Variants in PIK3AP1 observed in about 807,000 individuals in gnomAD.
PIK3AP1 encodes phosphoinositide-3-kinase adaptor protein 1, also known as phosphoinositide 3-kinase adapter protein 1.
A neutral mutation model predicts 88.1 loss-of-function variants in PIK3AP1; 21 were observed. The observed-to-expected ratio is 0.24, with a 90% CI of 0.17 to 0.34. The LOEUF (loss-of-function observed/expected upper bound fraction) is 0.34, where lower values mean the gene tolerates loss of function less well. Among genes scored for constraint, PIK3AP1 ranks in the 10% least tolerant of loss-of-function variants. The pLI is 1.00. For missense variants in PIK3AP1, 828 were observed against 1,035.7 expected (o/e 0.80, Z 2.75); for synonymous variants, 398 against 400.0 (o/e 1.00, Z 0.06).
chr10:96,705,884 G>GTT lies in PIK3AP1; in HGVS notation c.430+3681_430+3682dup, dbSNP rs964917515. 5.9e-3 allele frequency among the ~76,000 whole-genome samples: 359 copies of GTT among 60,968 alleles called. 80 individuals are homozygous for GTT. The highest frequency in any genetic ancestry group is 0.015 in the African/African-American group (194 of 12,710). The allele number at this position is 60,968 out of a possible 152,430, so 40.0% of individuals were successfully genotyped here. ...CATAAGCCACTATGCCCAGCCAGTT[G>GTT]TTTTTTTTTTTTTTTTTTTTTTTTT... On this transcript the variant is annotated intron_variant, in intron 2 of 16. Transcript: ENST00000339364.
At chr10:96,647,682 T>C (rs571182895) in intron 7 of PIK3AP1, among the ~76,000 whole-genome samples, 177 of 152,334 alleles carry the variant, frequency 1.2e-3, no homozygotes, top group African/African-American at 3.8e-3. Context: ...CTTGTAGATT[T>C]TCCAACACAG....
At chr10:96,617,448 G>C (rs935678082) in intron 12 of PIK3AP1, among the ~76,000 whole-genome samples, 3 of 152,158 alleles carry the variant, frequency 2.0e-5, no homozygotes, top group Admixed American at 1.3e-4. Context: ...AACTGGAAAG[G>C]GGGGTTGGTC....
chr10:96,672,049 G>GA (rs372869855), intron 2 of PIK3AP1, among the ~76,000 whole-genome samples: 3 of 149,824 alleles, frequency 2.0e-5, no homozygotes, highest in South Asian at 2.1e-4. Context: ...AAAAAACAAA[G>GA]AAAAAAAAAT....
intron 12 of PIK3AP1, 102 bp from the exon 13 acceptor site, chr10:96,616,813 A>G: frequency 9.0e-7 from 1 of 1,110,080 alleles, no homozygotes; most frequent in Non-Finnish European, 1.4e-6. Flanking sequence ...GGTATATCAC[A>G]TTGCAGTCAC....
chr10:96,659,967 G>A (rs909095610), intron 2 of PIK3AP1, among the ~76,000 whole-genome samples: 3 of 151,684 alleles, frequency 2.0e-5, no homozygotes, highest in Non-Finnish European at 2.9e-5. Flanking sequence ...TAGGTATTAC[G>A]TCTTCTAGTA....
intron 6 of PIK3AP1, among the ~76,000 whole-genome samples, chr10:96,650,760 A>G (rs888664823): frequency 6.6e-6 from 1 of 152,240 alleles, no homozygotes; most frequent in African/African-American, 2.4e-5. Flanking sequence ...CTATCTTTCC[A>G]TGAGTCTAAG....
At chr10:96,642,229 A>C (rs533688057) in intron 8 of PIK3AP1, among the ~76,000 whole-genome samples, 84 of 152,294 alleles carry the variant, frequency 5.5e-4, no homozygotes, top group African/African-American at 1.9e-3. Context: ...GTTCAAGACC[A>C]GCCTGGGTAA....
chr10:96,604,344 A>ATTTTTTTTTT lies in PIK3AP1; in HGVS notation c.2171-305_2171-296dup, dbSNP rs66487275. On this transcript the variant is annotated intron_variant, in intron 14 of 16. Transcript: ENST00000339364. The stretch of plus-strand genomic sequence containing the variant: ...AGGTGTGTGCCACCACACCTAGCCA[A>ATTTTTTTTTT]TTTTTTTTTTTTTTTTTTTTTTTTT... 4.4e-4 allele frequency among the ~76,000 whole-genome samples: 34 copies of ATTTTTTTTTT among 77,128 alleles called. 1 individual carries two copies. The highest frequency in any genetic ancestry group is 7.4e-4 in the Non-Finnish European group (31 of 41,864). 50.6% of individuals were successfully genotyped at this position (77,128 alleles called of 152,430 possible).
chr10:96,652,730 T>C lies in PIK3AP1; in HGVS notation c.680A>G (p.Glu227Gly). The C allele has an allele frequency of 6.2e-7, 1 of 1,614,182 alleles. No homozygotes were observed. The highest frequency in any genetic ancestry group is 8.5e-7 in the Non-Finnish European group (1 of 1,180,022). The change falls in exon 4 of 17, where the codon GAG (glutamate) becomes GGG (glycine). Residue 227 changes from glutamate (E) to glycine (G), a missense_variant. Physicochemically the swap from Glu to Gly is moderately conservative, Grantham distance 98. Coordinates refer to ENST00000339364, the MANE Select transcript of PIK3AP1 (RefSeq NM_152309.3). Reference protein sequence around the residue: ...SPSVRMEAKVENEYTISVKAP... With the variant: ...SPSVRMEAKVGNEYTISVKAP... ...CTTCACTGAAATGGTGTACTCATTC[T>C]CCACCTTGGCTTCCATCCTTACAGA...
At chr10:96,696,925 T>A (rs1431337023) in intron 2 of PIK3AP1, among the ~76,000 whole-genome samples, 1 of 152,220 alleles carries the variant, frequency 6.6e-6, no homozygotes, top group African/African-American at 2.4e-5. Context: ...ATGCAAGGTA[T>A]GTAAAATCAC....
At chr10:96,640,256 C>T (rs905547421) in intron 8 of PIK3AP1, among the ~76,000 whole-genome samples, 4 of 152,138 alleles carry the variant, frequency 2.6e-5, no homozygotes, top group Non-Finnish European at 5.9e-5. Context: ...TTTCTCTTTT[C>T]GCTCCTTTCG....
In PIK3AP1 at chr10:96,699,390, T is replaced by C. The variant is rs546457317; in HGVS notation, c.430+10177A>G. On this transcript the variant is annotated intron_variant, in intron 2 of 16. Coordinates refer to ENST00000339364, the MANE Select transcript of PIK3AP1 (RefSeq NM_152309.3). ...GTAAAATATCTCAGTAATTGTTACATTGCTTATATATCAATAAGAGAATAT... is the reference window on the plus strand; with the variant it reads ...GTAAAATATCTCAGTAATTGTTACACTGCTTATATATCAATAAGAGAATAT... Among the ~76,000 whole-genome samples the C allele has an allele frequency of 5.9e-5, 9 of 152,328 alleles. No individual in the cohort carries two copies. The East Asian group carries it at 1.5e-3, about 26-fold the overall frequency.
chr10:96,658,959 T>C (rs1843651474), intron 2 of PIK3AP1, among the ~76,000 whole-genome samples: 1 of 152,050 alleles, frequency 6.6e-6, no homozygotes, highest in South Asian at 2.1e-4. Context: ...TAGGCTGCCG[T>C]TTTCTCTGCT....
chr10:96,652,790 G>A lies in PIK3AP1; in HGVS notation c.620C>T (p.Ala207Val), dbSNP rs201029174. ...CTCAGGAGAAAACTCTGCTTCTGTC[G>A]CCACCCTGTCATCCAGCTTACATCT... Reference protein sequence around the residue: ...IVRCKLDDRVATEAEFSPEDS... With the variant: ...IVRCKLDDRVVTEAEFSPEDS... The change falls in exon 4 of 17, where the codon GCG becomes GTG. Residue 207 changes from alanine to valine, a missense_variant. Around this residue, in one of 3 missense-constraint regions of PIK3AP1, gnomAD observed 610 missense variants for 760.1 expected, o/e 0.80. Transcript: ENST00000339364. The A allele has an allele frequency of 2.7e-5, 43 of 1,613,740 alleles. No individual in the cohort carries two copies. The highest frequency in any genetic ancestry group is 1.6e-4 in the Middle Eastern group (1 of 6,084).
At chr10:96,702,614 CCACACA>C (rs3035892) in intron 2 of PIK3AP1, among the ~76,000 whole-genome samples, 43 of 145,166 alleles carry the variant, frequency 3.0e-4, no homozygotes, top group Admixed American at 1.5e-3. Flanking sequence ...AGTGTTCTCA[CCACACA>C]CACACACACA....
chr10:96,630,132 G>C (rs1167027533), intron 8 of PIK3AP1, among the ~76,000 whole-genome samples: 1 of 152,014 alleles, frequency 6.6e-6, no homozygotes, highest in East Asian at 1.9e-4. Flanking sequence ...GCAGTATTCT[G>C]ACATGTTTTT....
intron 8 of PIK3AP1, among the ~76,000 whole-genome samples, chr10:96,638,599 T>C (rs1843345223): frequency 6.6e-6 from 1 of 152,194 alleles, no homozygotes; most frequent in Non-Finnish European, 1.5e-5. Flanking sequence ...AAACAAGTTC[T>C]GTGGTTTTCT....
intron 16 of PIK3AP1, among the ~76,000 whole-genome samples, chr10:96,598,731 A>G (rs1047358723): frequency 6.6e-6 from 1 of 152,222 alleles, no homozygotes; most frequent in African/African-American, 2.4e-5. Context: ...GGCTTCACAG[A>G]GGAGGTGATG....
At chr10:96,670,427 G>C (rs1406088327) in intron 2 of PIK3AP1, among the ~76,000 whole-genome samples, 2 of 152,126 alleles carry the variant, frequency 1.3e-5, no homozygotes, top group Non-Finnish European at 2.9e-5. Context: ...GCCTATCCCA[G>C]GCTCCCCAAG....
Sources: gnomAD v4.1 joint callset for allele counts (sites outside exome capture counted in the v4.1 genomes callset) on GRCh38, gnomAD v4.1.1 for gene constraint, gnomAD v4.1.1 regional missense constraint, MANE v1.5 for transcripts, NCBI Gene and HGNC (gene_info 2026-07-23, HGNC 2026-07-21) for gene names.